The following PDE4D variants were observed in gnomAD, a reference collection of about 807,000 sequenced individuals.
PDE4D encodes phosphodiesterase 4D.
PDE4D carries 24 observed loss-of-function variants against 87.4 expected under a neutral mutation model. The observed-to-expected ratio is 0.27, with a 90% confidence interval of 0.20 to 0.39. PDE4D has a LOEUF of 0.39. Among genes scored for constraint, PDE4D ranks in the 10% least tolerant of loss-of-function variants. The probability of loss-of-function intolerance (pLI) is 1.00; values close to 1 mark genes in which losing one functional copy is unlikely to be tolerated. For missense variants in PDE4D, 714 were observed against 1,041.0 expected, an observed-to-expected ratio of 0.69 and a Z score of 4.32; for synonymous variants, 384 against 383.2, an observed-to-expected ratio of 1.00 and a Z score of -0.02.
intron 1 of PDE4D, among the ~76,000 whole-genome samples, chr5:60,371,222 C>T (rs771212614): frequency 2.0e-5 from 3 of 152,164 alleles, no homozygotes; most frequent in African/African-American, 7.2e-5. Flanking sequence ...CCTTTGCTGA[C>T]GTCTTCTGAA....
intron 3 of PDE4D, among the ~76,000 whole-genome samples, chr5:59,927,822 G>A (rs1315751321): frequency 6.6e-6 from 1 of 152,170 alleles, no homozygotes; most frequent in African/African-American, 2.4e-5. Context: ...AAACAAAGCT[G>A]CCAATGTGAT....
chr5:60,318,711 C>T lies in PDE4D; in HGVS notation c.-89-133024G>A, dbSNP rs1247257170. Among the ~76,000 whole-genome samples the T allele has an allele frequency of 3.9e-5, 6 of 152,130 alleles. No homozygotes were observed. The East Asian group carries it at 9.6e-4, about 24-fold the overall frequency. On this transcript the variant is annotated intron_variant, in intron 1 of 16. Coordinates refer to the PDE4D transcript ENST00000502484. ...ACAAAATCTCTCAGCATTTGCTTGTCTGTAAAGGATTTTATTTCTCCTTCA... is the reference window on the plus strand; with the variant it reads ...ACAAAATCTCTCAGCATTTGCTTGTTTGTAAAGGATTTTATTTCTCCTTCA...
intron 2 of PDE4D, among the ~76,000 whole-genome samples, chr5:60,022,270 T>A (rs544951819): frequency 1.3e-5 from 2 of 152,278 alleles, no homozygotes; most frequent in East Asian, 3.9e-4. Context: ...GTAGATGGAC[T>A]CCTCTGTACC....
chr5:60,166,836 AT>A lies in PDE4D; in HGVS notation c.42+18720del, dbSNP rs907287962. Reference sequence around the variant, plus strand: ...TCTGTGTATAGCATTCTTGGCTGGCATTTTTTTTTTCCTTCAGCACTTTTAA... The same window carrying A: ...TCTGTGTATAGCATTCTTGGCTGGCATTTTTTTTTCCTTCAGCACTTTTAA... On this transcript the variant is annotated intron_variant, in intron 2 of 16. Transcript: ENST00000502484. Among the ~76,000 whole-genome samples the A allele has an allele frequency of 2.1e-4, 31 of 148,330 alleles. No homozygotes were observed. In the East Asian group the frequency reaches 2.2e-3, roughly 10 times the overall value.
intron 1 of PDE4D, among the ~76,000 whole-genome samples, chr5:59,665,666 A>G (rs974893432): frequency 1.4e-4 from 21 of 152,214 alleles, no homozygotes; most frequent in African/African-American, 5.1e-4. Context: ...CCCAAAATTC[A>G]AATGTTGAAA....
At chr5:59,965,739 G>C (rs1421299124) in intron 3 of PDE4D, among the ~76,000 whole-genome samples, 1 of 152,134 alleles carries the variant, frequency 6.6e-6, no homozygotes, top group African/African-American at 2.4e-5. Flanking sequence ...TCTTACTAAA[G>C]TTACTAAGTC....
chr5:59,040,431 C>T (rs1759488856), intron 5 of PDE4D, among the ~76,000 whole-genome samples: 1 of 152,178 alleles, frequency 6.6e-6, no homozygotes, highest in South Asian at 2.1e-4. Flanking sequence ...CTCCTTTCCC[C>T]TGTGAATTGC....
At chr5:59,683,152 A>T (rs1749304406) in intron 1 of PDE4D, among the ~76,000 whole-genome samples, 2 of 152,204 alleles carry the variant, frequency 1.3e-5, no homozygotes, top group African/African-American at 4.8e-5. Flanking sequence ...ATTTAGAAGC[A>T]AAGGAGTATC....
chr5:60,350,584 G>T (rs1759097196), intron 1 of PDE4D, among the ~76,000 whole-genome samples: 1 of 152,090 alleles, frequency 6.6e-6, no homozygotes, highest in Non-Finnish European at 1.5e-5. Context: ...TCGATGGTTG[G>T]GGGCCAGCAA....
At chr5:59,014,750 C>G (rs1317623568) in intron 6 of PDE4D, among the ~76,000 whole-genome samples, 1 of 152,200 alleles carries the variant, frequency 6.6e-6, no homozygotes, top group Non-Finnish European at 1.5e-5. Flanking sequence ...CAATGACTTT[C>G]TTCACAGAAT....
chr5:59,798,848 T>C (rs1287321647), intron 1 of PDE4D, among the ~76,000 whole-genome samples: 1 of 152,160 alleles, frequency 6.6e-6, no homozygotes, highest in African/African-American at 2.4e-5. Flanking sequence ...CTTGAGCCTC[T>C]GTGGTATGGA....
intron 1 of PDE4D, among the ~76,000 whole-genome samples, chr5:59,574,119 A>T (rs1202161): frequency 0.051 from 132 of 2,596 alleles, 2 homozygotes; most frequent in African/African-American, 0.11. Context: ...TATATATATA[A>T]ATATATATTT....
rs779815130 is a variant in PDE4D, at chr5:58,974,695, C to T, written c.2399G>A (p.Cys800Tyr). The T allele has an allele frequency of 1.2e-6, 2 of 1,604,340 alleles. No homozygotes were observed. The highest frequency in any genetic ancestry group is 2.7e-5 in the African/African-American group (2 of 74,480). ...GEEEESQPEA[C>Y]VIDDRSPDT ...GTCAGGAGAACGATCATCTATGACA[C>T]AGGCTTCAGGCTGGCTTTCCTCTTC... Residue 800 changes from cysteine (C) to tyrosine (Y), a missense_variant, in exon 15 of 15, where the codon TGT becomes TAT. This residue lies in a region of PDE4D where 90 missense variants were observed against 95.3 expected (regional missense o/e 0.94). Coordinates refer to ENST00000340635, the MANE Select transcript of PDE4D (RefSeq NM_001104631.2).
At chr5:60,138,875 T>C (rs1474328019) in intron 2 of PDE4D, among the ~76,000 whole-genome samples, 1 of 152,166 alleles carries the variant, frequency 6.6e-6, no homozygotes, top group Non-Finnish European at 1.5e-5. Flanking sequence ...ACATTGTTTA[T>C]AATCAATGAA....
intron 1 of PDE4D, among the ~76,000 whole-genome samples, chr5:59,418,641 C>A (rs1201802086): frequency 6.6e-6 from 1 of 151,444 alleles, no homozygotes; most frequent in Non-Finnish European, 1.5e-5. Flanking sequence ...CCAGGATTTA[C>A]CTAACAATTT....
Position 59,543,655 on chromosome 5 carries a change from A to T in PDE4D, c.456-327687T>A, listed in dbSNP as rs548963138. ...ACTTTTCTGGCTAGGCATCCTTCCC[A>T]GTGGTCACAAGTCAATGTGTCTCCT... is the stretch of plus-strand genomic sequence containing the variant. On this transcript the variant is annotated intron_variant, in intron 1 of 14. Coordinates refer to ENST00000340635, the MANE Select transcript of PDE4D (RefSeq NM_001104631.2). Among the ~76,000 whole-genome samples the T allele has an allele frequency of 2.0e-5, 3 of 152,144 alleles. No homozygotes were observed. In the East Asian group the frequency reaches 5.8e-4, roughly 29 times the overall value.
chr5:59,773,537 GAAGT>G (rs1262271509), intron 1 of PDE4D, among the ~76,000 whole-genome samples: 2 of 152,148 alleles, frequency 1.3e-5, no homozygotes, highest in African/African-American at 4.8e-5. Flanking sequence ...GCATGGTATT[GAAGT>G]AAGGGCAGCT....
intron 1 of PDE4D, among the ~76,000 whole-genome samples, chr5:59,800,192 A>G (rs957112199): frequency 2.6e-5 from 4 of 152,266 alleles, no homozygotes; most frequent in African/African-American, 9.6e-5. Context: ...GTGCAGTATT[A>G]TATATGAAAT....
At chr5:59,491,766 A>C (rs998529730) in intron 1 of PDE4D, among the ~76,000 whole-genome samples, 1 of 152,244 alleles carries the variant, frequency 6.6e-6, no homozygotes, top group Non-Finnish European at 1.5e-5. Flanking sequence ...ATAGTTAAAT[A>C]TAATGTATAA....
Sources: gnomAD v4.1 joint callset for allele counts (sites outside exome capture counted in the v4.1 genomes callset) on GRCh38, gnomAD v4.1.1 for gene constraint, gnomAD v4.1.1 regional missense constraint, MANE v1.5 for transcripts, NCBI Gene and HGNC (gene_info 2026-07-23, HGNC 2026-07-21) for gene names.